The following BACH2 variants were observed in gnomAD, a reference collection of about 807,000 sequenced individuals.
The protein encoded by BACH2 is transcription regulator protein BACH2.
BACH2 carries 5 observed loss-of-function variants against 61.8 expected under a neutral mutation model. The ratio of observed to expected loss-of-function variants is 0.08; its 90% CI spans 0.04 to 0.17. The LOEUF is 0.17. BACH2 is among the 10% of genes least tolerant of loss of function. The pLI is 1.00. For synonymous variants in BACH2, 446 were observed against 440.1 expected (o/e 1.01, Z -0.17); for missense variants, 824 against 1,091.1 (o/e 0.76, Z 3.45).
chr6:90,037,015 C>T (rs755512776), intron 5 of BACH2, among the ~76,000 whole-genome samples: 5 of 152,126 alleles, frequency 3.3e-5, no homozygotes, highest in Admixed American at 6.5e-5. Context: ...GCACCTAAAA[C>T]GAGACACACA....
At chr6:90,075,331 T>C (rs778346236) in intron 5 of BACH2, among the ~76,000 whole-genome samples, 1 of 152,150 alleles carries the variant, frequency 6.6e-6, no homozygotes, top group South Asian at 2.1e-4. Flanking sequence ...CTGAGGATGA[T>C]ATATGGCACA....
At chr6:90,046,293 C>G (rs1169548762) in intron 5 of BACH2, among the ~76,000 whole-genome samples, 1 of 152,192 alleles carries the variant, frequency 6.6e-6, no homozygotes, top group Non-Finnish European at 1.5e-5. Context: ...ACATGCCAGC[C>G]ACTTTGCTAA....
At chr6:90,077,424 G>C (rs947379936) in intron 5 of BACH2, among the ~76,000 whole-genome samples, 1 of 152,140 alleles carries the variant, frequency 6.6e-6, no homozygotes, top group African/African-American at 2.4e-5. Context: ...GAAAAGTGGA[G>C]AAAGCAGCAT....
intron 4 of BACH2, among the ~76,000 whole-genome samples, chr6:90,111,633 C>T (rs1212837191): frequency 6.6e-6 from 1 of 152,230 alleles, no homozygotes; most frequent in African/African-American, 2.4e-5. Context: ...GGTCTCATCT[C>T]CTGTGTTAGG....
intron 6 of BACH2, among the ~76,000 whole-genome samples, chr6:89,962,973 A>T (rs1774831099): frequency 6.6e-6 from 1 of 152,218 alleles, no homozygotes; most frequent in Non-Finnish European, 1.5e-5. Context: ...TACCTAGTAA[A>T]GGGTTGATAT....
chr6:90,016,586 T>C (rs187397475), intron 5 of BACH2, among the ~76,000 whole-genome samples: 17 of 152,290 alleles, frequency 1.1e-4, no homozygotes, highest in Admixed American at 8.5e-4. Context: ...TTCCTGGCCA[T>C]TGTATTATAC....
chr6:89,932,548 G>C lies in BACH2; in HGVS notation c.2386C>G (p.Leu796Val), dbSNP rs371078442. ...TSENCTSGRR[L>V]EGTDPGTFSE... ...AAGGTTCCCGGGTCAGTGCCTTCTA[G>C]TCTCCTCCCAGAGGTACAATTCTCG... is the stretch of plus-strand genomic sequence containing the variant. The change falls in exon 9 of 9, where the codon CTA (leucine) becomes GTA (valine). Residue 796 changes from leucine to valine, a missense_variant. By Grantham distance (32) the Leu-to-Val change is conservative. Coordinates refer to ENST00000257749, the MANE Select transcript of BACH2 (RefSeq NM_021813.4). 5 of 1,614,080 alleles carry C rather than the reference G, an allele frequency of 3.1e-6. 1 individual carries two copies. In the South Asian group the frequency reaches 5.5e-5, roughly 18 times the overall value.
rs552060613 is a variant in BACH2, at chr6:90,182,244, G to A, written c.-162+24325C>T. On this transcript the variant is annotated intron_variant, in intron 4 of 8. Transcript: ENST00000257749. The stretch of plus-strand genomic sequence containing the variant: ...ACACTTTTCTCTCTCTCTCTCTCAA[G>A]TAAATTAAAAATGGAAACATATTGT... Among the ~76,000 whole-genome samples the A allele has an allele frequency of 3.3e-5, 5 of 152,210 alleles. No individual in the cohort carries two copies. In the South Asian group the frequency reaches 1.0e-3, roughly 32 times the overall value.
At chr6:90,091,546 C>T (rs1185254888) in intron 4 of BACH2, among the ~76,000 whole-genome samples, 2 of 152,018 alleles carry the variant, frequency 1.3e-5, no homozygotes, top group African/African-American at 4.8e-5. Context: ...TTTCTCTTTC[C>T]CCTTTATGTA....
chr6:90,277,368 C>T (rs934229898), intron 1 of BACH2, among the ~76,000 whole-genome samples: 2 of 152,118 alleles, frequency 1.3e-5, no homozygotes, highest in South Asian at 2.1e-4. Flanking sequence ...TGCATATTAT[C>T]GAGTGAAAGA....
intron 5 of BACH2, among the ~76,000 whole-genome samples, chr6:90,076,784 C>T (rs1207966525): frequency 2.0e-5 from 3 of 152,126 alleles, no homozygotes; most frequent in Admixed American, 2.0e-4. Context: ...GCAATTTCAC[C>T]TTCCTCCGTG....
intron 4 of BACH2, among the ~76,000 whole-genome samples, chr6:90,149,899 A>G (rs1030795220): frequency 4.6e-5 from 7 of 152,288 alleles, no homozygotes; most frequent in Admixed American, 3.3e-4. Flanking sequence ...AGGCACTGCA[A>G]TATCACCTCT....
intron 6 of BACH2, among the ~76,000 whole-genome samples, chr6:89,992,722 C>A (rs1010869907): frequency 2.0e-5 from 3 of 152,092 alleles, no homozygotes; most frequent in Non-Finnish European, 4.4e-5. Context: ...GAACTTTTTT[C>A]TTTCTTATGG....
chr6:89,937,538 AT>A (rs894098119), intron 8 of BACH2, among the ~76,000 whole-genome samples: 4 of 151,268 alleles, frequency 2.6e-5, no homozygotes, highest in South Asian at 2.1e-4. Flanking sequence ...TTATTTATTC[AT>A]TTTTTTTTGA....
rs73755614 is a variant in BACH2, at chr6:90,250,407, C to T, written c.-275+2106G>A. 6.5e-3 allele frequency among the ~76,000 whole-genome samples: 983 copies of T among 152,270 alleles called. 10 individuals carry two copies. Among genetic ancestry groups the T allele is most frequent in the African/African-American group, 0.023 (939 of 41,542 alleles). ...GAAAGGAGTCAACTTTCCATGTATA[C>T]TTAAAATCACTCATAAAAATGGATT... On this transcript the variant is annotated intron_variant, in intron 3 of 8. Transcript: ENST00000257749.
intron 4 of BACH2, among the ~76,000 whole-genome samples, chr6:90,121,470 CTA>C (rs762986468): frequency 3.3e-5 from 5 of 152,092 alleles, no homozygotes; most frequent in Non-Finnish European, 7.4e-5. Flanking sequence ...TAAATAAAAA[CTA>C]TTTTAATAAA....
intron 1 of BACH2, among the ~76,000 whole-genome samples, chr6:90,273,952 C>T (rs944723896): frequency 2.0e-5 from 3 of 152,196 alleles, no homozygotes; most frequent in African/African-American, 7.2e-5. Context: ...AAGCTCCTAT[C>T]ATATAATCAG....
At position 90,131,664 on chromosome 6, in the gene BACH2, G is replaced by A. The variant is rs116937427; in HGVS notation, c.-161-42555C>T. Among the ~76,000 whole-genome samples, 52 of 152,182 alleles carry A rather than the reference G, an allele frequency of 3.4e-4. 1 individual carries two copies. The East Asian group carries it at 6.8e-3, about 20-fold the overall frequency. ...ACCACATTTATGTCCATTTTTGGGC[G>A]GGCTGAACTAAAGTTTAAAGCATTA... On this transcript the variant is annotated intron_variant, in intron 4 of 8. Transcript: ENST00000257749.
chr6:90,255,795 C>T (rs560120343), intron 2 of BACH2, among the ~76,000 whole-genome samples: 16 of 152,246 alleles, frequency 1.1e-4, no homozygotes, highest in African/African-American at 3.6e-4. Flanking sequence ...TTGAAAACAT[C>T]TCTCCCTCTG....
Sources: allele counts gnomAD v4.1 joint callset (sites outside exome capture counted in the v4.1 genomes callset), GRCh38; gene constraint gnomAD v4.1.1; transcripts MANE v1.5; gene names NCBI Gene and HGNC (gene_info 2026-07-23, HGNC 2026-07-21).